The following CNTNAP2 variants were observed in gnomAD, a reference collection of about 807,000 sequenced individuals.
CNTNAP2 encodes the protein contactin-associated protein-like 2.
A neutral mutation model predicts 155.2 loss-of-function variants in CNTNAP2; 98 were observed. That is an observed-to-expected ratio of 0.63 (90% CI 0.54 to 0.75). The LOEUF is 0.75. Ranked by LOEUF, CNTNAP2 falls within the 30% of genes least tolerant of loss-of-function variation. The pLI is 0.00. For synonymous variants in CNTNAP2, 651 were observed against 631.2 expected (o/e 1.03, Z -0.47); for missense variants, 1,727 against 1,688.1 (o/e 1.02, Z -0.40).
chr7:146,406,320 A>G lies in CNTNAP2; in HGVS notation c.97+289347A>G, dbSNP rs556293657. On this transcript the variant is annotated intron_variant, in intron 1 of 23. Transcript: ENST00000361727. Reference sequence around the variant, plus strand: ...ATTTTTTAACAAAATGTTGTATTGCATCGTCCTCCTTAGGTTTTAAAAACA... The same window carrying G: ...ATTTTTTAACAAAATGTTGTATTGCGTCGTCCTCCTTAGGTTTTAAAAACA... Among the ~76,000 whole-genome samples the G allele has an allele frequency of 5.3e-5, 8 of 152,320 alleles. No homozygotes were observed. The East Asian group carries it at 1.5e-3, about 29-fold the overall frequency.
Position 146,341,083 on chromosome 7 carries a change from A to G in CNTNAP2, c.97+224110A>G, listed in dbSNP as rs143773211. ...GTTCAGATAATAATGTTTAATAGTT[A>G]TTAAAGTGAACTTATCTATCCTTTT... On this transcript the variant is annotated intron_variant, in intron 1 of 23. Coordinates refer to ENST00000361727, the MANE Select transcript of CNTNAP2 (RefSeq NM_014141.6). 1.3e-3 allele frequency among the ~76,000 whole-genome samples: 199 copies of G among 152,264 alleles called. 1 individual carries two copies. The highest frequency in any genetic ancestry group is 4.6e-3 in the African/African-American group (190 of 41,582).
At chr7:146,642,540 T>C (rs1277242305) in intron 1 of CNTNAP2, among the ~76,000 whole-genome samples, 1 of 151,730 alleles carries the variant, frequency 6.6e-6, no homozygotes, top group Non-Finnish European at 1.5e-5. Context: ...TGCCACATTT[T>C]CTTCATCCAG....
At chr7:146,151,684 A>G (rs13221156) in intron 1 of CNTNAP2, among the ~76,000 whole-genome samples, 11 of 51,992 alleles carry the variant, frequency 2.1e-4, no homozygotes, top group African/African-American at 1.4e-3. Context: ...ATATATATGT[A>G]TATATATATA....
chr7:146,882,839 A>C (rs890796930), intron 3 of CNTNAP2, among the ~76,000 whole-genome samples: 1 of 152,178 alleles, frequency 6.6e-6, no homozygotes, highest in South Asian at 2.1e-4. Context: ...AAAAAGAAGA[A>C]AATATCTAGG....
At chr7:146,520,610 G>A (rs1409881402) in intron 1 of CNTNAP2, among the ~76,000 whole-genome samples, 1 of 151,556 alleles carries the variant, frequency 6.6e-6, no homozygotes, top group Non-Finnish European at 1.5e-5. Context: ...ACAGAATGGA[G>A]GAAATGGCCT....
chr7:146,480,869 A>T (rs1390386535), intron 1 of CNTNAP2, among the ~76,000 whole-genome samples: 3 of 150,728 alleles, frequency 2.0e-5, no homozygotes, highest in Non-Finnish European at 4.4e-5. Context: ...TTTTCAGTAG[A>T]GACAGGGTTT....
chr7:146,756,424 C>G (rs1801996959), intron 1 of CNTNAP2, among the ~76,000 whole-genome samples: 1 of 151,872 alleles, frequency 6.6e-6, no homozygotes, highest in Non-Finnish European at 1.5e-5. Flanking sequence ...CTATAAGTAC[C>G]CATATCACTT....
chr7:148,341,949 C>T (rs1264411609), intron 21 of CNTNAP2, among the ~76,000 whole-genome samples: 5 of 152,104 alleles, frequency 3.3e-5, no homozygotes, highest in South Asian at 2.1e-4. Context: ...AATCTCTTCC[C>T]GAGGTTTGTG....
At chr7:147,575,382 G>A (rs901532375) in intron 12 of CNTNAP2, among the ~76,000 whole-genome samples, 37 of 147,436 alleles carry the variant, frequency 2.5e-4, no homozygotes, top group South Asian at 1.3e-3. Flanking sequence ...GTGTGTGTGT[G>A]TGTGTGTGTG....
chr7:147,951,428 G>C (rs537312530), intron 14 of CNTNAP2, among the ~76,000 whole-genome samples: 3 of 152,142 alleles, frequency 2.0e-5, no homozygotes, highest in African/African-American at 7.2e-5. Flanking sequence ...CCAAACCTCC[G>C]TATAATCAAG....
At chr7:147,422,565 T>A (rs777705249) in intron 10 of CNTNAP2, among the ~76,000 whole-genome samples, 2 of 152,128 alleles carry the variant, frequency 1.3e-5, no homozygotes, top group Middle Eastern at 3.2e-3. Context: ...CCTGTTTAGA[T>A]CCTGACAGAT....
chr7:146,711,238 CATAT>C lies in CNTNAP2; in HGVS notation c.98-63028_98-63025del, dbSNP rs1179255720. ...CACATATATTTTATATATACATATA[CATAT>C]ATATTTTATATATACATATAAATAT... On this transcript the variant is annotated intron_variant, in intron 1 of 23. Coordinates refer to ENST00000361727, the MANE Select transcript of CNTNAP2 (RefSeq NM_014141.6). Among the ~76,000 whole-genome samples the C allele has an allele frequency of 4.8e-5, 7 of 146,302 alleles. No individual in the cohort carries two copies. The East Asian group carries it at 1.4e-3, about 29-fold the overall frequency.
rs1362400705 is a variant in CNTNAP2, at chr7:146,350,742, C to A, written c.97+233769C>A. Reference sequence around the variant, plus strand: ...GACACATGCACACGTATGTTTATTGCGGCACTATTCACAATAGCAAAGACT... The same window carrying A: ...GACACATGCACACGTATGTTTATTGAGGCACTATTCACAATAGCAAAGACT... On this transcript the variant is annotated intron_variant, in intron 1 of 23. Transcript: ENST00000361727. Among the ~76,000 whole-genome samples, 45 of 151,776 alleles carry A rather than the reference C, an allele frequency of 3.0e-4. 1 individual carries two copies. The highest frequency in any genetic ancestry group is 1.5e-3 in the Admixed American group (23 of 15,228).
chr7:147,325,819 T>C (rs913337698), intron 9 of CNTNAP2, among the ~76,000 whole-genome samples: 2 of 152,360 alleles, frequency 1.3e-5, no homozygotes, highest in Middle Eastern at 3.4e-3. Context: ...ATCATCACTA[T>C]TGGTGTCTTC....
chr7:146,685,374 G>C (rs1800578677), intron 1 of CNTNAP2, among the ~76,000 whole-genome samples: 1 of 152,150 alleles, frequency 6.6e-6, no homozygotes, highest in South Asian at 2.1e-4. Flanking sequence ...ATGCATCTCA[G>C]ATTACTGAAT....
chr7:146,656,417 T>C (rs1799996626), intron 1 of CNTNAP2, among the ~76,000 whole-genome samples: 1 of 152,212 alleles, frequency 6.6e-6, no homozygotes, highest in Non-Finnish European at 1.5e-5. Context: ...AAACAGTATA[T>C]CTGTGAAACC....
chr7:146,785,663 G>A (rs752077977), intron 2 of CNTNAP2, among the ~76,000 whole-genome samples: 1 of 152,140 alleles, frequency 6.6e-6, no homozygotes, highest in Non-Finnish European at 1.5e-5. Flanking sequence ...AATAGCAGAT[G>A]AGTAACAACA....
chr7:147,348,375 CA>C (rs60230891), intron 9 of CNTNAP2, among the ~76,000 whole-genome samples: 105,130 of 148,602 alleles, frequency 0.71, 38,020 homozygotes, highest in African/African-American at 0.89. Context: ...ATACAAATAG[CA>C]AAAAAAAAAA....
At chr7:147,840,735 T>C (rs553646585) in intron 13 of CNTNAP2, among the ~76,000 whole-genome samples, 1 of 152,106 alleles carries the variant, frequency 6.6e-6, no homozygotes, top group Non-Finnish European at 1.5e-5. Context: ...AAATGATTCA[T>C]GGGGACAGAA....
Sources: allele counts gnomAD v4.1 joint callset (sites outside exome capture counted in the v4.1 genomes callset), GRCh38; gene constraint gnomAD v4.1.1; transcripts MANE v1.5; gene names NCBI Gene and HGNC (gene_info 2026-07-23, HGNC 2026-07-21).